MYO1D: variants seen among roughly 807,000 people sequenced by gnomAD.
MYO1D encodes myosin ID.
MYO1D carries 83 observed loss-of-function variants against 122.0 expected under a neutral mutation model. The observed-to-expected ratio is 0.68, with a 90% CI of 0.57 to 0.82. The LOEUF (loss-of-function observed/expected upper bound fraction) is 0.82, where lower values mean the gene tolerates loss of function less well. MYO1D is among the 40% of genes least tolerant of loss of function. MYO1D has a pLI of 0.00. For synonymous variants in MYO1D, 464 were observed against 446.9 expected (o/e 1.04, Z -0.48); for missense variants, 1,157 against 1,269.5 (o/e 0.91, Z 1.35).
At chr17:32,501,509 CCT>C (rs1323889956) in intron 21 of MYO1D, among the ~76,000 whole-genome samples, 1 of 152,168 alleles carries the variant, frequency 6.6e-6, no homozygotes, top group Non-Finnish European at 1.5e-5. Context: ...TAGATCAGTC[CCT>C]TTTTGGCCAA....
chr17:32,525,671 A>ACTG (rs1253090217), intron 21 of MYO1D, among the ~76,000 whole-genome samples: 3 of 152,106 alleles, frequency 2.0e-5, no homozygotes, highest in Non-Finnish European at 4.4e-5. Flanking sequence ...CTGCCCCAGA[A>ACTG]ATATCAGTTC....
chr17:32,690,258 C>T (rs578140236), intron 16 of MYO1D, among the ~76,000 whole-genome samples: 241 of 151,274 alleles, frequency 1.6e-3, no homozygotes, highest in Non-Finnish European at 2.6e-3. Context: ...TCTTGGCTCA[C>T]TGCACCTCCC....
chr17:32,724,046 G>T (rs1343332257), intron 14 of MYO1D, among the ~76,000 whole-genome samples: 1 of 152,084 alleles, frequency 6.6e-6, no homozygotes, highest in Admixed American at 6.5e-5. Context: ...CTATATTGGG[G>T]GAACAACTGT....
chr17:32,663,797 CAAA>C (rs1476659573), intron 16 of MYO1D, among the ~76,000 whole-genome samples: 1 of 152,172 alleles, frequency 6.6e-6, no homozygotes, highest in Admixed American at 6.5e-5. Context: ...GTAGCACCTT[CAAA>C]AGTAGTACGA....
intron 21 of MYO1D, among the ~76,000 whole-genome samples, chr17:32,527,550 T>G (rs1567878032): frequency 6.6e-6 from 1 of 152,168 alleles, no homozygotes; most frequent in Non-Finnish European, 1.5e-5. Context: ...CCTAGCACTT[T>G]GGAAGGCTGA....
At chr17:32,795,462 G>A (rs1293911927) in intron 1 of MYO1D, among the ~76,000 whole-genome samples, 3 of 151,138 alleles carry the variant, frequency 2.0e-5, no homozygotes, top group Non-Finnish European at 4.4e-5. Context: ...GTTCCTCAGT[G>A]ATTCAACCTT....
intron 20 of MYO1D, among the ~76,000 whole-genome samples, chr17:32,612,696 CAAA>C (rs1158470135): frequency 8.6e-5 from 9 of 104,620 alleles, no homozygotes; most frequent in Non-Finnish European, 1.5e-4. Flanking sequence ...AAAAAAAAAA[CAAA>C]AAAAAAAAAA....
At position 32,742,051 on chromosome 17, in the gene MYO1D, T is replaced by C. The variant is rs563910494; in HGVS notation, c.1613+3160A>G. Among the ~76,000 whole-genome samples the C allele has an allele frequency of 1.2e-4, 18 of 152,088 alleles. No homozygotes were observed. The South Asian group carries it at 3.7e-3, about 32-fold the overall frequency. On this transcript the variant is annotated intron_variant, in intron 13 of 21. Transcript: ENST00000318217. ...AAAAAGTAAATTAAAAAAAAAATTTTTTTTAAAGATGTTTGTGCCTGTGCT... is the reference window on the plus strand; with the variant it reads ...AAAAAGTAAATTAAAAAAAAAATTTCTTTTAAAGATGTTTGTGCCTGTGCT...
intron 16 of MYO1D, among the ~76,000 whole-genome samples, chr17:32,662,773 T>A (rs2088584651): frequency 6.6e-6 from 1 of 152,128 alleles, no homozygotes; most frequent in Non-Finnish European, 1.5e-5. Context: ...TACCTTGTAG[T>A]GTTATGAGGA....
At chr17:32,637,060 T>C (rs1458368472) in intron 20 of MYO1D, among the ~76,000 whole-genome samples, 4 of 152,168 alleles carry the variant, frequency 2.6e-5, no homozygotes, top group Non-Finnish European at 5.9e-5. Context: ...ATGATGAAGA[T>C]AAAGGGAAAC....
intron 1 of MYO1D, among the ~76,000 whole-genome samples, chr17:32,806,563 G>C (rs553838670): frequency 6.6e-6 from 1 of 152,230 alleles, no homozygotes; most frequent in South Asian, 2.1e-4. Context: ...TTTCACTAGA[G>C]ACAAGGTCTC....
chr17:32,799,676 A>G (rs1246568609), intron 1 of MYO1D, among the ~76,000 whole-genome samples: 1 of 152,042 alleles, frequency 6.6e-6, no homozygotes, highest in Non-Finnish European at 1.5e-5. Flanking sequence ...AAAAAAAAAA[A>G]AGAGCAAAAC....
intron 21 of MYO1D, chr17:32,518,396 G>T (rs1909974203): frequency 6.6e-6 from 1 of 152,220 alleles, no homozygotes; most frequent in Admixed American, 6.5e-5. Flanking sequence ...CAATGGAATC[G>T]TGACGGGAAA....
intron 1 of MYO1D, among the ~76,000 whole-genome samples, chr17:32,867,959 G>C (rs1177369721): frequency 6.7e-6 from 1 of 149,992 alleles, no homozygotes; most frequent in Non-Finnish European, 1.5e-5. Flanking sequence ...CTATTACCTA[G>C]CAATAGTGCC....
At chr17:32,606,742 A>G (rs2087632568) in intron 20 of MYO1D, among the ~76,000 whole-genome samples, 1 of 152,260 alleles carries the variant, frequency 6.6e-6, no homozygotes, top group African/African-American at 2.4e-5. Context: ...CTAACATCAT[A>G]CTTGGTGAAG....
chr17:32,696,538 G>A (rs185171209), intron 16 of MYO1D, among the ~76,000 whole-genome samples: 51 of 152,308 alleles, frequency 3.3e-4, no homozygotes, highest in African/African-American at 1.2e-3. Flanking sequence ...GGTGCTTTAA[G>A]AAGACAAGTC....
At chr17:32,801,424 G>A (rs977523593) in intron 1 of MYO1D, among the ~76,000 whole-genome samples, 2 of 152,216 alleles carry the variant, frequency 1.3e-5, no homozygotes, top group Admixed American at 6.5e-5. Context: ...GCCAGGGTAA[G>A]GATTCCACTG....
rs926855048 is a variant in MYO1D, at chr17:32,707,716, T to A, written c.2121+4272A>T. Among the ~76,000 whole-genome samples the A allele has an allele frequency of 2.0e-5, 3 of 152,376 alleles. No homozygotes were observed. The East Asian group carries it at 5.8e-4, about 29-fold the overall frequency. ...CCTAAGTAATAAGATTGGTTTACTGTGTTTAAACTATGTTTATACAAATAA... is the reference window on the plus strand; with the variant it reads ...CCTAAGTAATAAGATTGGTTTACTGAGTTTAAACTATGTTTATACAAATAA... On this transcript the variant is annotated intron_variant, in intron 16 of 21. Coordinates refer to ENST00000318217, the MANE Select transcript of MYO1D (RefSeq NM_015194.3).
chr17:32,699,389 A>C (rs1329210486), intron 16 of MYO1D, among the ~76,000 whole-genome samples: 1 of 152,208 alleles, frequency 6.6e-6, no homozygotes, highest in Non-Finnish European at 1.5e-5. Flanking sequence ...GACAGAGATA[A>C]CTGTCAGACT....
Sources: gnomAD v4.1 joint callset for allele counts (sites outside exome capture counted in the v4.1 genomes callset) on GRCh38, gnomAD v4.1.1 for gene constraint, MANE v1.5 for transcripts, NCBI Gene and HGNC (gene_info 2026-07-23, HGNC 2026-07-21) for gene names.